The following AP3S1 variants were observed in gnomAD, a reference collection of about 807,000 sequenced individuals.
AP3S1 encodes AP-3 complex subunit sigma-1.
In AP3S1, 12 loss-of-function variants were observed where a neutral mutation model predicts 21.3. The observed-to-expected ratio is 0.56, with a 90% CI of 0.36 to 0.91. AP3S1 has a LOEUF of 0.91. Among genes scored for constraint, AP3S1 ranks in the 40% least tolerant of loss-of-function variants. AP3S1 has a pLI of 0.01. For synonymous variants in AP3S1, 48 were observed against 78.4 expected (o/e 0.61, Z 2.05); for missense variants, 116 against 225.0 (o/e 0.52, Z 3.10).
At chr5:115,879,758 G>A (rs1040824992) in intron 3 of AP3S1, among the ~76,000 whole-genome samples, 2 of 152,062 alleles carry the variant, frequency 1.3e-5, no homozygotes, top group Admixed American at 6.5e-5. Context: ...TCCATTGATC[G>A]GAGTAGTTTC....
intron 1 of AP3S1, among the ~76,000 whole-genome samples, chr5:115,866,374 G>A (rs940954474): frequency 6.6e-6 from 1 of 152,042 alleles, no homozygotes; most frequent in African/African-American, 2.4e-5. Context: ...TTAATATCTA[G>A]TTTCCCTTTT....
chr5:115,898,162 G>C (rs1367397996), intron 4 of AP3S1, among the ~76,000 whole-genome samples: 1 of 152,060 alleles, frequency 6.6e-6, no homozygotes, highest in Non-Finnish European at 1.5e-5. Flanking sequence ...ATGTCAGAGA[G>C]AAAAAAAGTT....
intron 1 of AP3S1, among the ~76,000 whole-genome samples, chr5:115,862,137 A>G (rs1361680536): frequency 6.6e-6 from 1 of 151,714 alleles, no homozygotes; most frequent in African/African-American, 2.4e-5. Context: ...CTTATTACAA[A>G]CAGCGCTTTT....
intron 1 of AP3S1, 38 bp from the exon 2 acceptor site, chr5:115,866,632 A>G (rs752189008): frequency 2.9e-5 from 41 of 1,407,378 alleles, no homozygotes; most frequent in Non-Finnish European, 3.7e-5. Context: ...TTAAACCTAT[A>G]CACTCCATCC....
At chr5:115,899,292 TAATAA>T (rs1374689210) in intron 4 of AP3S1, among the ~76,000 whole-genome samples, 10 of 152,112 alleles carry the variant, frequency 6.6e-5, no homozygotes, top group Non-Finnish European at 1.2e-4. Flanking sequence ...TACTAGCCAT[TAATAA>T]CATCTTGGAA....
rs75447878 is a variant in AP3S1 at position 115,868,411 on chromosome 5, C to T, written c.162-1606C>T. Among the ~76,000 whole-genome samples, 596 of 152,200 alleles carry T rather than the reference C, an allele frequency of 3.9e-3. 1 individual carries two copies. The highest frequency in any genetic ancestry group is 0.014 in the African/African-American group (567 of 41,538). On this transcript the variant is annotated intron_variant, in intron 2 of 5. Transcript: ENST00000316788. ...ATATACTCTCAGAATCTTTAAATTGCATGTAGATATTTTTAAATTAAACAT... is the reference window on the plus strand; with the variant it reads ...ATATACTCTCAGAATCTTTAAATTGTATGTAGATATTTTTAAATTAAACAT...
intron 4 of AP3S1, among the ~76,000 whole-genome samples, chr5:115,898,287 A>G (rs550094288): frequency 1.3e-5 from 2 of 152,310 alleles, no homozygotes; most frequent in African/African-American, 4.8e-5. Context: ...AACAGTTTCT[A>G]TGTGGCCAGC....
chr5:115,856,207 G>C (rs1365602573), intron 1 of AP3S1, among the ~76,000 whole-genome samples: 1 of 152,076 alleles, frequency 6.6e-6, no homozygotes, highest in Admixed American at 6.5e-5. Context: ...AAGCTGCTAA[G>C]TTAAATAAGG....
At position 115,905,117 on chromosome 5, in the gene AP3S1, CAAAA is replaced by C. The variant is rs530871152; in HGVS notation, c.453+2130_453+2133del. On this transcript the variant is annotated intron_variant, in intron 5 of 5. Coordinates refer to ENST00000316788, the MANE Select transcript of AP3S1 (RefSeq NM_001284.4). The stretch of plus-strand genomic sequence containing the variant: ...GTCATCCCCAAGGTCTGATTTTTCA[CAAAA>C]AAAAGTTTGCAACCTCCGGCATAAA... Among the ~76,000 whole-genome samples, 777 of 151,874 alleles carry C rather than the reference CAAAA, an allele frequency of 5.1e-3. 3 individuals are homozygous for C. The highest frequency in any genetic ancestry group is 0.018 in the African/African-American group (758 of 41,428).
At position 115,895,177 on chromosome 5, in the gene AP3S1, C is replaced by T. The variant is rs779372134; in HGVS notation, c.345+19C>T. ...AGACAAGGTACTATTTGTATTGTCA[C>T]ATCTAAGCTTTTTAAGAAAAACATT... On this transcript the variant is annotated intron_variant, in intron 4 of 5. Transcript: ENST00000316788. 1.3e-6 allele frequency: 2 copies of T among 1,525,538 alleles called. No individual in the cohort carries two copies. The highest frequency in any genetic ancestry group is 1.8e-6 in the Non-Finnish European group (2 of 1,127,820). 94.5% of individuals were successfully genotyped at this position (1,525,538 alleles called of 1,614,324 possible).
intron 5 of AP3S1, among the ~76,000 whole-genome samples, chr5:115,907,902 T>C (rs1247947396): frequency 1.3e-5 from 2 of 152,122 alleles, no homozygotes; most frequent in South Asian, 4.1e-4. Context: ...AGGTCTCTGA[T>C]TGAAAATTTC....
chr5:115,848,289 T>C (rs1308764509), intron 1 of AP3S1, among the ~76,000 whole-genome samples: 1 of 152,206 alleles, frequency 6.6e-6, no homozygotes. Flanking sequence ...TTCCCCCCGG[T>C]CTTTATTTTT....
intron 4 of AP3S1, among the ~76,000 whole-genome samples, chr5:115,896,696 C>G (rs1750778585): frequency 6.6e-6 from 1 of 152,148 alleles, no homozygotes; most frequent in Non-Finnish European, 1.5e-5. Flanking sequence ...AGAGGATCAC[C>G]TGTGCCTGGG....
intron 5 of AP3S1, among the ~76,000 whole-genome samples, chr5:115,911,498 G>A (rs1276477968): frequency 1.3e-5 from 2 of 151,820 alleles, no homozygotes; most frequent in Non-Finnish European, 2.9e-5. Flanking sequence ...TGGCAAATTG[G>A]TCTTTTAACT....
chr5:115,870,189 A>G (rs1170892520), intron 3 of AP3S1, 61 bp downstream of exon 3: 1 of 1,039,736 alleles, frequency 9.6e-7, no homozygotes, highest in East Asian at 2.7e-5. Context: ...ATTTTTAAAA[A>G]CTTATATATT....
At chr5:115,892,774 TA>T (rs1352080240) in intron 3 of AP3S1, among the ~76,000 whole-genome samples, 2 of 152,162 alleles carry the variant, frequency 1.3e-5, no homozygotes, top group Non-Finnish European at 2.9e-5. Context: ...TTATAGTCAA[TA>T]ATCATTGAAT....
At chr5:115,876,806 T>C (rs1417510102) in intron 3 of AP3S1, among the ~76,000 whole-genome samples, 1 of 152,172 alleles carries the variant, frequency 6.6e-6, no homozygotes, top group African/African-American at 2.4e-5. Flanking sequence ...TCTTAATGAT[T>C]TAGATTGTGC....
chr5:115,884,173 A>G (rs545246714), intron 3 of AP3S1, among the ~76,000 whole-genome samples: 1 of 152,282 alleles, frequency 6.6e-6, no homozygotes, highest in South Asian at 2.1e-4. Context: ...CGGAATTTAT[A>G]TATTTAATAT....
intron 5 of AP3S1, among the ~76,000 whole-genome samples, chr5:115,906,580 G>T (rs1433708945): frequency 1.3e-5 from 2 of 152,194 alleles, no homozygotes; most frequent in Non-Finnish European, 1.5e-5. Flanking sequence ...TAAGCTGGGA[G>T]GTTGATGGGA....
Sources: allele counts gnomAD v4.1 joint callset (sites outside exome capture counted in the v4.1 genomes callset), GRCh38; gene constraint gnomAD v4.1.1; transcripts MANE v1.5; gene names NCBI Gene and HGNC (gene_info 2026-07-23, HGNC 2026-07-21).